Variants in ARCN1 observed in about 807,000 individuals in gnomAD.
The protein encoded by ARCN1 is archain 1 coat protein complex I subunit delta, also known as coatomer subunit delta.
A neutral mutation model predicts 60.4 loss-of-function variants in ARCN1; 5 were observed. That is an observed-to-expected ratio of 0.08 (90% CI 0.04 to 0.17). ARCN1 has a LOEUF of 0.17. Ranked by LOEUF, ARCN1 falls within the 10% of genes least tolerant of loss-of-function variation. The pLI, the probability that ARCN1 is intolerant of heterozygous loss-of-function variation, is 1.00. For missense variants in ARCN1, 464 were observed against 626.5 expected (o/e 0.74, Z 2.77); for synonymous variants, 224 against 220.0 (o/e 1.02, Z -0.16).
chr11:118,585,893 T>C (rs1555075429), intron 5 of ARCN1, among the ~76,000 whole-genome samples: 5 of 152,198 alleles, frequency 3.3e-5, no homozygotes, highest in African/African-American at 1.2e-4. Context: ...ATTCATCTCT[T>C]ATCTCAGGGC....
At chr11:118,599,757 C>T (rs539043051) in intron 9 of ARCN1, among the ~76,000 whole-genome samples, 1 of 152,216 alleles carries the variant, frequency 6.6e-6, no homozygotes, top group South Asian at 2.1e-4. Flanking sequence ...ATTTGCATTA[C>T]TAGGACCCAG....
chr11:118,581,212 A>G (rs372671683), intron 1 of ARCN1, 34 bp from the exon 2 acceptor site: 9 of 1,608,790 alleles, frequency 5.6e-6, no homozygotes, highest in Non-Finnish European at 7.7e-6. Flanking sequence ...GTGAAGAAAT[A>G]ATTAGTACTT....
intron 1 of ARCN1, among the ~76,000 whole-genome samples, chr11:118,576,445 AAAAAC>A (rs1173841029): frequency 1.3e-5 from 2 of 148,378 alleles, no homozygotes; most frequent in Non-Finnish European, 3.0e-5. Flanking sequence ...AAAAAAAAAA[AAAAAC>A]CAAAAACTTT....
At chr11:118,584,712 T>C (rs1555075220) in intron 5 of ARCN1, 68 bp downstream of exon 5, 68 of 1,337,370 alleles carry the variant, frequency 5.1e-5, no homozygotes, top group East Asian at 3.7e-4. Context: ...AAAAATCTTA[T>C]TTCAGTGTGC....
intron 8 of ARCN1, among the ~76,000 whole-genome samples, chr11:118,594,967 A>C (rs542509271): frequency 7.9e-4 from 121 of 152,248 alleles, no homozygotes; most frequent in African/African-American, 2.7e-3. Context: ...CTCGTGCCTC[A>C]GTCTCCCAAG....
chr11:118,572,731 C>G, intron 1 of ARCN1, 181 bp downstream of exon 1: 2 of 618,760 alleles, frequency 3.2e-6, no homozygotes, highest in South Asian at 2.4e-5. Context: ...TCCGATGGAG[C>G]TGACTCCAGT....
chr11:118,584,619 C>T lies in ARCN1; in HGVS notation c.793C>T (p.His265Tyr). 1.9e-6 allele frequency: 3 copies of T among 1,609,120 alleles called. No homozygotes were observed. The highest frequency in any genetic ancestry group is 2.5e-6 in the Non-Finnish European group (3 of 1,178,506). The change falls in exon 5 of 10, where the codon CAT (histidine) becomes TAT (tyrosine). Residue 265 changes from histidine to tyrosine, a missense_variant. Transcript: ENST00000264028. ...GCGTACTTCTGAAGCAACCAAAATG[C>T]ATGCTCCACCCATTAATATGGAAAG... Reference protein sequence around the residue: ...GKRTSEATKMHAPPINMESVH... With the variant: ...GKRTSEATKMYAPPINMESVH...
intron 1 of ARCN1, among the ~76,000 whole-genome samples, chr11:118,573,355 G>A (rs1344034514): frequency 6.6e-6 from 1 of 152,176 alleles, no homozygotes. Context: ...TAGCCTCCGA[G>A]ACCAGTTACT....
At chr11:118,575,941 T>C (rs1048071519) in intron 1 of ARCN1, among the ~76,000 whole-genome samples, 1 of 151,950 alleles carries the variant, frequency 6.6e-6, no homozygotes, top group Admixed American at 6.6e-5. Flanking sequence ...GGGTATAAAA[T>C]GGAAGTATTG....
intron 9 of ARCN1, among the ~76,000 whole-genome samples, chr11:118,598,740 C>T (rs782771659): frequency 2.6e-5 from 4 of 151,720 alleles, no homozygotes; most frequent in African/African-American, 4.9e-5. Flanking sequence ...GGTGATCTAC[C>T]CGCCTCAGCC....
At chr11:118,587,531 C>T (rs1938805787) in intron 5 of ARCN1, among the ~76,000 whole-genome samples, 1 of 152,194 alleles carries the variant, frequency 6.6e-6, no homozygotes, top group African/African-American at 2.4e-5. Flanking sequence ...AGACTGGATC[C>T]TCTACTAATG....
Position 118,597,806 on chromosome 11 carries a change from C to T in ARCN1, c.1341C>T (p.Ala447=). Residue 447 remains alanine (A), a synonymous_variant, in exon 9 of 10, where the codon GCC becomes GCT. Transcript: ENST00000264028. ...AGTGGTGCCTGCCTGTGATTGATGC[C>T]AAAAATAAGAGTGGCAGCCTGGAGT... ...TLEWCLPVID[A]KNKSGSLEFS... 6.2e-7 allele frequency: 1 copy of T among 1,614,074 alleles called. No homozygotes were observed. Among genetic ancestry groups the T allele is most frequent in the Non-Finnish European group, 8.5e-7 (1 of 1,180,012 alleles).
chr11:118,574,620 T>G (rs1429217954), intron 1 of ARCN1, among the ~76,000 whole-genome samples: 1 of 152,140 alleles, frequency 6.6e-6, no homozygotes, highest in Non-Finnish European at 1.5e-5. Context: ...AAAAATAAAT[T>G]CCCTTTGGCT....
chr11:118,586,267 C>A (rs1399479402), intron 5 of ARCN1, among the ~76,000 whole-genome samples: 1 of 151,986 alleles, frequency 6.6e-6, no homozygotes, highest in African/African-American at 2.4e-5. Context: ...GGCTAATTTT[C>A]TTATTTTTAG....
chr11:118,586,705 A>G (rs1192329885), intron 5 of ARCN1, among the ~76,000 whole-genome samples: 1 of 152,010 alleles, frequency 6.6e-6, no homozygotes, highest in Non-Finnish European at 1.5e-5. Context: ...ACAAAAAATT[A>G]GATGGGCGTG....
chr11:118,590,257 A>G, intron 5 of ARCN1, 84 bp from the exon 6 acceptor site: 1 of 1,189,332 alleles, frequency 8.4e-7, no homozygotes. Context: ...GGCCTCCCAA[A>G]GTGCTGGGGT....
At chr11:118,583,443 A>G in intron 3 of ARCN1, 85 bp downstream of exon 3, 2 of 1,408,872 alleles carry the variant, frequency 1.4e-6, no homozygotes, top group Non-Finnish European at 1.9e-6. Flanking sequence ...TTTACTTACT[A>G]ATGTAGACTG....
intron 2 of ARCN1, 61 bp from the exon 3 acceptor site, chr11:118,583,118 C>CTTGG (rs1938697307): frequency 1.9e-6 from 3 of 1,557,662 alleles, no homozygotes; most frequent in Non-Finnish European, 2.6e-6. Context: ...AAGGATAAGA[C>CTTGG]TTGGAAATAT....
Position 118,593,718 on chromosome 11 carries a change from C to T in ARCN1, c.1241+20C>T. On this transcript the variant is annotated intron_variant, in intron 8 of 9. Transcript: ENST00000264028. The stretch of plus-strand genomic sequence containing the variant: ...ACTCCCGTAAGTGCTGTCCCTGTGT[C>T]CTCTACGGTGGACTTAGAGAACTGG... 6.5e-7 allele frequency: 1 copy of T among 1,539,962 alleles called. No homozygotes were observed.
Sources: allele counts gnomAD v4.1 joint callset (sites outside exome capture counted in the v4.1 genomes callset), GRCh38; gene constraint gnomAD v4.1.1; transcripts MANE v1.5; gene names NCBI Gene and HGNC (gene_info 2026-07-23, HGNC 2026-07-21).